The following IRS1 variants were observed in gnomAD, a reference collection of about 807,000 sequenced individuals.
The protein encoded by IRS1 is insulin receptor substrate 1.
In IRS1, 34 loss-of-function variants were observed where a neutral mutation model predicts 65.6. The ratio of observed to expected loss-of-function variants is 0.52; its 90% CI spans 0.39 to 0.69. The LOEUF (loss-of-function observed/expected upper bound fraction) is 0.69, where lower values mean the gene tolerates loss of function less well. Among genes scored for constraint, IRS1 ranks in the 30% least tolerant of loss-of-function variants. IRS1 has a pLI of 0.00. For missense variants in IRS1, 1,641 were observed against 1,720.2 expected (o/e 0.95, Z 0.81); for synonymous variants, 699 against 683.5 (o/e 1.02, Z -0.35).
chr2:226,798,044 C>A lies in IRS1; in HGVS notation c.695G>T (p.Gly232Val). 1 of 1,614,108 alleles carries A rather than the reference C, an allele frequency of 6.2e-7. No individual in the cohort carries two copies. The change falls in exon 1 of 2, where the codon GGG becomes GTG. Residue 232 changes from glycine (G) to valine (V), a missense_variant. Gly to Val is a moderately radical substitution (Grantham distance 109, BLOSUM62 -3). This residue lies in a region of IRS1 where 77 missense variants were observed against 129.6 expected (regional missense o/e 0.59). Coordinates refer to ENST00000305123, the MANE Select transcript of IRS1 (RefSeq NM_005544.3). The surrounding 1 kb of genome is among the most constrained non-coding windows in gnomAD (Gnocchi z 9.4). The stretch of plus-strand genomic sequence containing the variant: ...CACCTGCATCCAGAACTCCCCGGGC[C>A]CCGTCACGGCAGAACGGCCCACCTC... Reference protein sequence around the residue: ...FIEVGRSAVTGPGEFWMQVDD... With the variant: ...FIEVGRSAVTVPGEFWMQVDD...
chr2:226,743,804 C>G (rs1389564610), intron 1 of IRS1, among the ~76,000 whole-genome samples: 1 of 152,098 alleles, frequency 6.6e-6, no homozygotes, highest in Non-Finnish European at 1.5e-5. Flanking sequence ...GGCTTTGATA[C>G]AAACCAGTAG....
chr2:226,758,084 CA>C (rs936870760), intron 1 of IRS1, among the ~76,000 whole-genome samples: 1 of 152,018 alleles, frequency 6.6e-6, no homozygotes. Context: ...GAGGCAGAGA[CA>C]AAAAAATGGA....
chr2:226,782,290 G>A (rs538139322), intron 1 of IRS1, among the ~76,000 whole-genome samples: 1 of 152,070 alleles, frequency 6.6e-6, no homozygotes, highest in African/African-American at 2.4e-5. Flanking sequence ...GAACATTTAC[G>A]GTATTTGAGA....
chr2:226,798,580 C>T lies in IRS1; in HGVS notation c.159G>A (p.Trp53Ter). 1.2e-6 allele frequency: 2 copies of T among 1,613,944 alleles called. No individual in the cohort carries two copies. Among genetic ancestry groups the T allele is most frequent in the Non-Finnish European group, 1.7e-6 (2 of 1,180,030 alleles). ...GTTTGGGGGCGCTCGACTTGTGCCG[C>T]CACTTCTTCTCGTTCTCGTAGTACT... is the stretch of plus-strand genomic sequence containing the variant. ...RLEYYENEKKWRHKSSAPKRS... is the reference protein window; with the variant it reads ...RLEYYENEKK The change falls in exon 1 of 2, where the codon TGG (tryptophan) becomes TGA (stop). Residue 53 changes from tryptophan to a stop codon, truncating the protein, a stop_gained. Transcript: ENST00000305123. LOFTEE classifies it high-confidence loss of function. The surrounding 1 kb of genome is among the most constrained non-coding windows in gnomAD (Gnocchi z 9.4).
rs1243671255 is a variant in IRS1 at position 226,798,931 on chromosome 2, G to A, written c.-193C>T. ...AGGAGGACGCAGCTGCTGAGCCCAG[G>A]AGAGAGCCCGACCGGAGTTTTCGGG... On this transcript the variant is annotated 5_prime_UTR_variant, in exon 1 of 2. Transcript: ENST00000305123. The surrounding 1 kb of genome is among the most constrained non-coding windows in gnomAD (Gnocchi z 9.4). The A allele has an allele frequency of 1.2e-5, 18 of 1,457,486 alleles. No homozygotes were observed. The highest frequency in any genetic ancestry group is 1.5e-5 in the Non-Finnish European group (17 of 1,104,766). 90.3% of individuals were successfully genotyped at this position (1,457,486 alleles called of 1,614,324 possible).
chr2:226,738,045 T>C (rs547107187), intron 1 of IRS1, among the ~76,000 whole-genome samples: 3 of 152,254 alleles, frequency 2.0e-5, no homozygotes, highest in Admixed American at 6.5e-5. Context: ...AGTCTACAAA[T>C]GTAGCTTGAG....
intron 1 of IRS1, among the ~76,000 whole-genome samples, chr2:226,760,834 G>GA (rs1938903298): frequency 1.3e-5 from 2 of 152,220 alleles, no homozygotes; most frequent in Middle Eastern, 3.4e-3. Context: ...ATTCCTTATT[G>GA]AAAAGATATT....
intron 1 of IRS1, among the ~76,000 whole-genome samples, chr2:226,748,228 A>G (rs953384199): frequency 2.2e-4 from 34 of 152,042 alleles, no homozygotes; most frequent in African/African-American, 7.9e-4. Context: ...TCAGGAGTTC[A>G]AGACCAGCTT....
chr2:226,771,426 G>T (rs1473148948), intron 1 of IRS1, among the ~76,000 whole-genome samples: 1 of 152,170 alleles, frequency 6.6e-6, no homozygotes, highest in Non-Finnish European at 1.5e-5. Flanking sequence ...AAAGGAGTAG[G>T]TTGGAGGAAG....
chr2:226,795,148 A>C lies in IRS1; in HGVS notation c.3591T>G (p.Pro1197=). 6.2e-7 allele frequency: 1 copy of C among 1,613,448 alleles called. No individual in the cohort carries two copies. The highest frequency in any genetic ancestry group is 8.5e-7 in the Non-Finnish European group (1 of 1,179,882). Residue 1197 remains proline (P), a synonymous_variant, in exon 1 of 2, where the codon CCT becomes CCG. Coordinates refer to ENST00000305123, the MANE Select transcript of IRS1 (RefSeq NM_005544.3). The part of the protein sequence containing the change: ...DFKQCPQECT[P]EPQPPPPPPP... Reference sequence around the variant, plus strand: ...GTGGGGGTGGGGGAGGCTGCGGTTCAGGGGTGCACTCCTGAGGGCACTGTT... The same window carrying C: ...GTGGGGGTGGGGGAGGCTGCGGTTCCGGGGTGCACTCCTGAGGGCACTGTT...
In IRS1 at chr2:226,731,967, G is replaced by A. The variant is rs1161686767; in HGVS notation, c.*4305C>T. 3.3e-5 allele frequency: 5 copies of A among 152,178 alleles called. No homozygotes were observed. The highest frequency in any genetic ancestry group is 7.4e-5 in the Non-Finnish European group (5 of 68,026). 9.4% of individuals were successfully genotyped at this position (152,178 alleles called of 1,614,324 possible). A position where few individuals can be genotyped will look rare whatever the true frequency, so the allele number is the denominator to read the frequency against. The stretch of plus-strand genomic sequence containing the variant: ...AGAGAGATTTAAATGCCAAGTGAAT[G>A]GCAGAAGTCTAAAACACCAGATCTT... On this transcript the variant is annotated 3_prime_UTR_variant, in exon 2 of 2. Transcript: ENST00000305123.
chr2:226,741,611 C>T (rs1049576228), intron 1 of IRS1, among the ~76,000 whole-genome samples: 1 of 152,058 alleles, frequency 6.6e-6, no homozygotes, highest in African/African-American at 2.4e-5. Flanking sequence ...CACACAATTA[C>T]ATTAAACTGC....
At chr2:226,743,172 A>AC (rs888697484) in intron 1 of IRS1, among the ~76,000 whole-genome samples, 6 of 149,122 alleles carry the variant, frequency 4.0e-5, no homozygotes, top group African/African-American at 1.5e-4. Flanking sequence ...AAAAAAAACA[A>AC]AAAAAAAAAG....
chr2:226,766,242 C>A (rs1227486378), intron 1 of IRS1, among the ~76,000 whole-genome samples: 1 of 140,720 alleles, frequency 7.1e-6, no homozygotes, highest in African/African-American at 2.7e-5. Context: ...CGGCTCACTG[C>A]AATCTCTGCC....
chr2:226,758,765 T>C (rs1938853397), intron 1 of IRS1, among the ~76,000 whole-genome samples: 1 of 150,292 alleles, frequency 6.7e-6, no homozygotes, highest in African/African-American at 2.4e-5. Flanking sequence ...AAGGTGTCAG[T>C]GAAGGGATGA....
chr2:226,736,442 G>T (rs1574636760), intron 1 of IRS1, among the ~76,000 whole-genome samples, 192 bp from the exon 2 acceptor site: 1 of 152,210 alleles, frequency 6.6e-6, no homozygotes, highest in African/African-American at 2.4e-5. Flanking sequence ...AGAGTCTAAA[G>T]AAATCACTAA....
Position 226,735,349 on chromosome 2 carries a change from A to G in IRS1, c.*923T>C, listed in dbSNP as rs1394757235. 6.6e-6 allele frequency: 1 copy of G among 152,234 alleles called. No individual in the cohort carries two copies. Among genetic ancestry groups the G allele is most frequent in the Non-Finnish European group, 1.5e-5 (1 of 68,032 alleles). 9.4% of individuals were successfully genotyped at this position (152,234 alleles called of 1,614,324 possible). The stretch of plus-strand genomic sequence containing the variant: ...TCACCCATCTCCTTCTGTTTACAAT[A>G]CATGCAATGGAAGACTTTAATTTCC... On this transcript the variant is annotated 3_prime_UTR_variant, in exon 2 of 2. Transcript: ENST00000305123.
At chr2:226,747,909 T>G (rs994499713) in intron 1 of IRS1, among the ~76,000 whole-genome samples, 1 of 152,100 alleles carries the variant, frequency 6.6e-6, no homozygotes, top group Non-Finnish European at 1.5e-5. Flanking sequence ...TGGCTTCTAA[T>G]GGGTAAGGGC....
At chr2:226,757,270 T>C (rs1227198103) in intron 1 of IRS1, among the ~76,000 whole-genome samples, 1 of 152,116 alleles carries the variant, frequency 6.6e-6, no homozygotes, top group East Asian at 1.9e-4. Context: ...GGGCATTCAG[T>C]AGGCCAGCAG....
Sources: gnomAD v4.1 joint callset for allele counts (sites outside exome capture counted in the v4.1 genomes callset) on GRCh38, gnomAD v4.1.1 for gene constraint, gnomAD v4.1.1 regional missense constraint, Gnocchi (gnomAD v3.1) non-coding constraint, MANE v1.5 for transcripts, NCBI Gene and HGNC (gene_info 2026-07-23, HGNC 2026-07-21) for gene names.